Variants in TBC1D4 observed in about 807,000 individuals in gnomAD.
TBC1D4 encodes the protein TBC (Tre-2, BUB2, CDC16) domain-containing protein.
Under a neutral mutation model 142.5 loss-of-function variants are expected in TBC1D4, and 121 were observed. The ratio of observed to expected loss-of-function variants is 0.85; its 90% CI spans 0.73 to 0.99. The LOEUF (loss-of-function observed/expected upper bound fraction) is 0.99. TBC1D4 is among the 50% of genes least tolerant of loss of function. The pLI is 0.00. For synonymous variants in TBC1D4, 630 were observed against 628.2 expected, an observed-to-expected ratio of 1.00 and a Z score of -0.04; for missense variants, 1,475 against 1,606.6, an observed-to-expected ratio of 0.92 and a Z score of 1.40.
At chr13:75,382,567 T>C (rs1297276516) in intron 1 of TBC1D4, among the ~76,000 whole-genome samples, 1 of 152,236 alleles carries the variant, frequency 6.6e-6, no homozygotes, top group African/African-American at 2.4e-5. Context: ...AACTTTAATA[T>C]ACATTAAAAT....
intron 4 of TBC1D4, among the ~76,000 whole-genome samples, chr13:75,355,216 C>T (rs955791157): frequency 6.6e-6 from 1 of 152,134 alleles, no homozygotes; most frequent in African/African-American, 2.4e-5. Flanking sequence ...TTCTATATGA[C>T]GAAGTTGTAT....
chr13:75,373,113 C>T (rs543534283), intron 1 of TBC1D4, among the ~76,000 whole-genome samples: 5 of 152,284 alleles, frequency 3.3e-5, no homozygotes, highest in Middle Eastern at 3.4e-3. Context: ...AAAGGAGCGA[C>T]GGCTCAGCCC....
At chr13:75,384,379 C>A (rs929123576) in intron 1 of TBC1D4, among the ~76,000 whole-genome samples, 1 of 151,924 alleles carries the variant, frequency 6.6e-6, no homozygotes, top group Non-Finnish European at 1.5e-5. Flanking sequence ...GAGGTTGCAG[C>A]GAGCTGAGAT....
At chr13:75,480,411 T>C (rs962678258) in intron 1 of TBC1D4, among the ~76,000 whole-genome samples, 1 of 152,062 alleles carries the variant, frequency 6.6e-6, no homozygotes, top group African/African-American at 2.4e-5. Context: ...GAAAACTCTG[T>C]TTTCAAAGAC....
At chr13:75,457,794 C>A (rs1472272704) in intron 1 of TBC1D4, among the ~76,000 whole-genome samples, 1 of 152,168 alleles carries the variant, frequency 6.6e-6, no homozygotes, top group Non-Finnish European at 1.5e-5. Flanking sequence ...TGTTGTCCAA[C>A]AAGCACCTCA....
chr13:75,311,432 T>C (rs1317400503), intron 13 of TBC1D4, among the ~76,000 whole-genome samples: 1 of 152,188 alleles, frequency 6.6e-6, no homozygotes, highest in Non-Finnish European at 1.5e-5. Context: ...TCTTTTTTTA[T>C]ATATATTCAT....
chr13:75,335,665 G>A (rs1012363544), intron 8 of TBC1D4, among the ~76,000 whole-genome samples: 13 of 152,132 alleles, frequency 8.5e-5, no homozygotes, highest in African/African-American at 3.1e-4. Flanking sequence ...GAGTTCTCAT[G>A]AGATCTGGTT....
intron 1 of TBC1D4, among the ~76,000 whole-genome samples, chr13:75,391,041 C>T (rs932472878): frequency 4.1e-5 from 3 of 73,748 alleles, no homozygotes; most frequent in Non-Finnish European, 1.2e-4. Flanking sequence ...ACCACACACA[C>T]ACACACACAC....
intron 1 of TBC1D4, among the ~76,000 whole-genome samples, chr13:75,418,940 C>A (rs1249353851): frequency 6.6e-6 from 1 of 152,156 alleles, no homozygotes; most frequent in Non-Finnish European, 1.5e-5. Context: ...ATAGGAGCAG[C>A]CACTATCCAA....
rs1239667259 is a variant in TBC1D4 at position 75,295,629 on chromosome 13, T to C, written c.3157-616A>G. Among the ~76,000 whole-genome samples the C allele has an allele frequency of 2.0e-5, 3 of 152,318 alleles. 1 individual carries two copies. Among genetic ancestry groups the C allele is most frequent in the Admixed American group, 6.5e-5 (1 of 15,300 alleles). ...CAAAAAGTGCAGTTGTTTCTGAATA[T>C]TTCTAGAACTAAAAGAAAAAATTAT... On this transcript the variant is annotated intron_variant, in intron 17 of 20. Coordinates refer to ENST00000377636, the MANE Select transcript of TBC1D4 (RefSeq NM_014832.5).
intron 1 of TBC1D4, among the ~76,000 whole-genome samples, chr13:75,463,508 T>C (rs151034034): frequency 9.1e-4 from 139 of 152,118 alleles, no homozygotes; most frequent in Non-Finnish European, 1.5e-3. Context: ...GACCCAAGAA[T>C]CTAGTAGACA....
chr13:75,463,180 G>GAA (rs11382214), intron 1 of TBC1D4, among the ~76,000 whole-genome samples: 33 of 151,026 alleles, frequency 2.2e-4, no homozygotes, highest in South Asian at 4.2e-4. Context: ...TAACACTATA[G>GAA]AAAAAAAAAG....
chr13:75,455,271 T>A (rs186121236), intron 1 of TBC1D4, among the ~76,000 whole-genome samples: 3 of 152,260 alleles, frequency 2.0e-5, no homozygotes, highest in African/African-American at 7.2e-5. Context: ...GGGCCCCCAC[T>A]CCGTACACCT....
At position 75,303,756 on chromosome 13, in the gene TBC1D4, T is replaced by C. The variant is rs113228339; in HGVS notation, c.2753-1355A>G. Among the ~76,000 whole-genome samples the C allele has an allele frequency of 1.4e-3, 214 of 152,344 alleles. 1 individual carries two copies. Among genetic ancestry groups the C allele is most frequent in the African/African-American group, 4.6e-3 (190 of 41,588 alleles). On this transcript the variant is annotated intron_variant, in intron 15 of 20. Transcript: ENST00000377636. ...CATGACTTATGAGGCCTCTACAATA[T>C]AGCTCCAAACTACCTTTTTAAGCAC...
At chr13:75,327,646 TA>T in intron 9 of TBC1D4, 105 bp downstream of exon 9, 1 of 1,057,478 alleles carries the variant, frequency 9.5e-7, no homozygotes, top group Non-Finnish European at 1.4e-6. Context: ...ATTTATTTTT[TA>T]AAAAGCTATA....
chr13:75,468,532 G>GA (rs11434178), intron 1 of TBC1D4, among the ~76,000 whole-genome samples: 17,699 of 146,024 alleles, frequency 0.12, 1,185 homozygotes, highest in East Asian at 0.28. Flanking sequence ...GATCAGGAGG[G>GA]AAAAAAAAAA....
Position 75,310,104 on chromosome 13 carries a change from T to G in TBC1D4, c.2431A>C (p.Thr811Pro), listed in dbSNP as rs1453289417. ...ELLPLSPLSP[T>P]MEEEPLVVFL... ...ACAACCAGCGGTTCCTCCTCCATGGTTGGAGAGAGGGGGGACAGTGGCAGC... is the reference window on the plus strand; with the variant it reads ...ACAACCAGCGGTTCCTCCTCCATGGGTGGAGAGAGGGGGGACAGTGGCAGC... The change falls in exon 14 of 21, where the codon ACC becomes CCC. Residue 811 changes from threonine to proline, a missense_variant. By Grantham distance (38) the Thr-to-Pro change is conservative. Around this residue, in one of 2 missense-constraint regions of TBC1D4, gnomAD observed 1,227 missense variants for 1,267.7 expected, o/e 0.97. Transcript: ENST00000377636. The G allele has an allele frequency of 4.3e-6, 7 of 1,613,926 alleles. No homozygotes were observed. The highest frequency in any genetic ancestry group is 5.1e-6 in the Non-Finnish European group (6 of 1,179,976).
intron 5 of TBC1D4, among the ~76,000 whole-genome samples, chr13:75,341,849 C>T (rs74096222): frequency 0.049 from 7,493 of 152,276 alleles, 648 homozygotes; most frequent in African/African-American, 0.17. Flanking sequence ...CACAGTGGCT[C>T]GCGCCTGTAA....
At chr13:75,365,328 C>T (rs376853728) in intron 1 of TBC1D4, among the ~76,000 whole-genome samples, 2 of 147,196 alleles carry the variant, frequency 1.4e-5, no homozygotes, top group Non-Finnish European at 3.0e-5. Flanking sequence ...CTAACAACAG[C>T]TCTGTTTTTT....
Sources: allele counts gnomAD v4.1 joint callset (sites outside exome capture counted in the v4.1 genomes callset), GRCh38; gene constraint gnomAD v4.1.1; regional missense constraint gnomAD v4.1.1; transcripts MANE v1.5; gene names NCBI Gene and HGNC (gene_info 2026-07-23, HGNC 2026-07-21).